ANK3: variants seen among roughly 807,000 people sequenced by gnomAD.
ANK3 encodes ankyrin-3.
Under a neutral mutation model 370.9 loss-of-function variants are expected in ANK3, and 57 were observed. The ratio of observed to expected loss-of-function variants is 0.15; its 90% CI spans 0.12 to 0.19. The LOEUF (loss-of-function observed/expected upper bound fraction) is 0.19, where lower values mean the gene tolerates loss of function less well. Among genes scored for constraint, ANK3 ranks in the 10% least tolerant of loss-of-function variants. ANK3 has a pLI of 1.00. For synonymous variants in ANK3, 1,929 were observed against 1,946.3 expected (o/e 0.99, Z 0.23); for missense variants, 4,439 against 5,302.1 (o/e 0.84, Z 5.06).
At chr10:60,272,518 C>T (rs1291334648) in intron 4 of ANK3, among the ~76,000 whole-genome samples, 8 of 151,842 alleles carry the variant, frequency 5.3e-5, no homozygotes, top group East Asian at 1.9e-4. Flanking sequence ...CTCACTCTGT[C>T]GCCCAAGCTG....
intron 2 of ANK3, among the ~76,000 whole-genome samples, chr10:60,422,023 G>C (rs536850600): frequency 6.6e-6 from 1 of 152,050 alleles, no homozygotes; most frequent in East Asian, 1.9e-4. Context: ...TTAGACAAAA[G>C]TTCAAATCAG....
intron 2 of ANK3, among the ~76,000 whole-genome samples, chr10:60,485,366 A>G (rs10994375): frequency 0.46 from 70,103 of 151,952 alleles, 16,660 homozygotes; most frequent in Middle Eastern, 0.56. Context: ...GTCTATTTCT[A>G]GCTTTTCTCA....
At chr10:60,041,865 C>T (rs10740005) in intron 43 of ANK3, among the ~76,000 whole-genome samples, 105,292 of 151,784 alleles carry the variant, frequency 0.69, 36,611 homozygotes, top group East Asian at 0.78. Flanking sequence ...TTCTGGCAAG[C>T]AGGGAACAGC....
intron 2 of ANK3, among the ~76,000 whole-genome samples, chr10:60,505,482 C>T (rs1234184956): frequency 2.6e-5 from 4 of 151,858 alleles, no homozygotes; most frequent in Non-Finnish European, 5.9e-5. Flanking sequence ...AATTTTTGTT[C>T]AAATTAAGCA....
chr10:60,158,565 A>G (rs1399670241), intron 23 of ANK3, among the ~76,000 whole-genome samples: 3 of 152,144 alleles, frequency 2.0e-5, no homozygotes, highest in Non-Finnish European at 4.4e-5. Context: ...TCACCAGTTT[A>G]AAATAATTGA....
intron 2 of ANK3, among the ~76,000 whole-genome samples, chr10:60,598,218 C>T (rs1043755816): frequency 2.0e-5 from 3 of 152,074 alleles, no homozygotes; most frequent in Admixed American, 6.6e-5. Context: ...TTACACCTGC[C>T]CTAATAATCA....
intron 1 of ANK3, among the ~76,000 whole-genome samples, chr10:60,687,852 A>G (rs903490866): frequency 2.6e-5 from 4 of 152,236 alleles, no homozygotes; most frequent in African/African-American, 9.6e-5. Flanking sequence ...AATGTGGTAT[A>G]TATATATAGA....
At chr10:60,347,589 T>C (rs2055882761) in intron 1 of ANK3, among the ~76,000 whole-genome samples, 1 of 152,074 alleles carries the variant, frequency 6.6e-6, no homozygotes, top group African/African-American at 2.4e-5. Context: ...ATGAAATCAA[T>C]TGAAACCTAT....
chr10:60,437,226 A>G (rs1403872936), intron 2 of ANK3, among the ~76,000 whole-genome samples: 1 of 152,200 alleles, frequency 6.6e-6, no homozygotes, highest in Non-Finnish European at 1.5e-5. Flanking sequence ...AGAGTCCTAG[A>G]GGACTCAGCG....
chr10:60,337,559 CTCTTGAGCTTTCCCCTAGTTTGTCT>C (rs1313285417), intron 1 of ANK3, among the ~76,000 whole-genome samples: 2 of 152,242 alleles, frequency 1.3e-5, no homozygotes, highest in Non-Finnish European at 2.9e-5. Context: ...ACCCCACAAT[CTCTTGAGCTTTCCCCTAGTTTGTCT>C]TCTTAGTATG....
At chr10:60,046,621 A>G (rs549973323) in intron 42 of ANK3, among the ~76,000 whole-genome samples, 2 of 152,300 alleles carry the variant, frequency 1.3e-5, no homozygotes, top group South Asian at 4.1e-4. Flanking sequence ...TATAAATAAT[A>G]AGCCAAAATG....
intron 25 of ANK3, among the ~76,000 whole-genome samples, chr10:60,116,671 A>G (rs1177716160): frequency 6.6e-6 from 1 of 152,066 alleles, no homozygotes; most frequent in Non-Finnish European, 1.5e-5. Flanking sequence ...GAAAGTATAG[A>G]GAAATTTTTA....
chr10:60,529,200 C>G (rs560294354), intron 2 of ANK3, among the ~76,000 whole-genome samples: 50 of 152,270 alleles, frequency 3.3e-4, no homozygotes, highest in African/African-American at 1.2e-3. Flanking sequence ...GAAAACATGT[C>G]TGCAAAGTGC....
At chr10:60,246,541 G>T (rs1292783199) in intron 7 of ANK3, among the ~76,000 whole-genome samples, 2 of 152,188 alleles carry the variant, frequency 1.3e-5, no homozygotes, top group Admixed American at 1.3e-4. Context: ...CTCTCAGAGA[G>T]ACCAACTAAT....
intron 2 of ANK3, among the ~76,000 whole-genome samples, chr10:60,448,682 G>A (rs1230939284): frequency 6.6e-6 from 1 of 152,192 alleles, no homozygotes; most frequent in Non-Finnish European, 1.5e-5. Flanking sequence ...CCTCAACCTA[G>A]CCAGTTGGGG....
At chr10:60,087,102 C>A (rs1294217529) in intron 29 of ANK3, among the ~76,000 whole-genome samples, 1 of 151,554 alleles carries the variant, frequency 6.6e-6, no homozygotes, top group Admixed American at 6.6e-5. Flanking sequence ...CTGAGTATTT[C>A]CCCAGTAGAA....
chr10:60,523,065 A>T (rs2076385600), intron 2 of ANK3, among the ~76,000 whole-genome samples: 2 of 152,196 alleles, frequency 1.3e-5, no homozygotes, highest in South Asian at 4.1e-4. Context: ...AGTATACTAG[A>T]CATCACCTAA....
chr10:60,158,677 C>CTTTTTTTTTTT (rs1555028623), intron 23 of ANK3, among the ~76,000 whole-genome samples: 6 of 49,296 alleles, frequency 1.2e-4, no homozygotes, highest in Non-Finnish European at 1.8e-4. Context: ...AGAGAAAGCA[C>CTTTTTTTTTTT]TTTTTTTCTT....
At chr10:60,642,075 C>T (rs1341562022) in intron 1 of ANK3, among the ~76,000 whole-genome samples, 2 of 144,868 alleles carry the variant, frequency 1.4e-5, no homozygotes, top group African/African-American at 5.1e-5. Flanking sequence ...ATCAAAACCA[C>T]AATGAGATAC....
Sources: allele counts gnomAD v4.1 joint callset (sites outside exome capture counted in the v4.1 genomes callset), GRCh38; gene constraint gnomAD v4.1.1; transcripts MANE v1.5; gene names NCBI Gene and HGNC (gene_info 2026-07-23, HGNC 2026-07-21).